The following PTPRD variants were observed in gnomAD, a reference collection of about 807,000 sequenced individuals.
PTPRD encodes protein tyrosine phosphatase receptor type D.
A neutral mutation model predicts 214.5 loss-of-function variants in PTPRD; 34 were observed. The observed-to-expected ratio is 0.16, with a 90% CI of 0.12 to 0.21. PTPRD has a LOEUF of 0.21. PTPRD is among the 10% of genes least tolerant of loss of function. The pLI, the probability that PTPRD is intolerant of heterozygous loss-of-function variation, is 1.00. For synonymous variants in PTPRD, 1,128 were observed against 845.7 expected (o/e 1.33, Z -5.79); for missense variants, 2,545 against 2,398.7 (o/e 1.06, Z -1.27).
At chr9:8,983,891 AG>A (rs1294752436) in intron 11 of PTPRD, among the ~76,000 whole-genome samples, 1 of 152,090 alleles carries the variant, frequency 6.6e-6, no homozygotes, top group Non-Finnish European at 1.5e-5. Flanking sequence ...CATGTGAAAA[AG>A]AGGTTCAAAG....
intron 11 of PTPRD, among the ~76,000 whole-genome samples, chr9:8,884,734 C>A (rs1229721678): frequency 6.6e-6 from 1 of 152,342 alleles, no homozygotes; most frequent in Non-Finnish European, 1.5e-5. Flanking sequence ...AGAAGGGCTA[C>A]ATTTTGATGT....
In PTPRD at chr9:9,150,343, A is replaced by G. The variant is rs555555972; in HGVS notation, c.-143+32961T>C. ...CTTTGTGCTAGCGTAGGGTTGGGGG[A>G]TATAGTGATAAATAGTATAAGCACA... On this transcript the variant is annotated intron_variant, in intron 10 of 45. Coordinates refer to ENST00000381196, the MANE Select transcript of PTPRD (RefSeq NM_002839.4). Among the ~76,000 whole-genome samples the G allele has an allele frequency of 1.6e-3, 249 of 151,196 alleles. 1 individual carries two copies. Among genetic ancestry groups the G allele is most frequent in the African/African-American group, 5.8e-3 (238 of 41,272 alleles).
chr9:9,120,838 C>G (rs1320717018), intron 10 of PTPRD, among the ~76,000 whole-genome samples: 2 of 152,174 alleles, frequency 1.3e-5, no homozygotes, highest in African/African-American at 4.8e-5. Context: ...ACAGCTAAGT[C>G]TAAACGTTTC....
rs558397007 is a variant in PTPRD at position 10,529,380 on chromosome 9, T to C, written c.-600+83018A>G. On this transcript the variant is annotated intron_variant, in intron 2 of 45. Coordinates refer to ENST00000381196, the MANE Select transcript of PTPRD (RefSeq NM_002839.4). ...GTGGCACATATACACCATGGAATAC[T>C]ATTCAGCCATAAAAAAGAATGAGTT... 9.9e-4 allele frequency among the ~76,000 whole-genome samples: 150 copies of C among 152,272 alleles called. 1 individual carries two copies. The highest frequency in any genetic ancestry group is 3.3e-3 in the African/African-American group (137 of 41,568).
In PTPRD at chr9:8,447,182, T is replaced by C. The variant is rs559430274; in HGVS notation, c.3988+2543A>G. Among the ~76,000 whole-genome samples, 24 of 152,330 alleles carry C rather than the reference T, an allele frequency of 1.6e-4. No individual in the cohort carries two copies. In the East Asian group the frequency reaches 4.6e-3, roughly 29 times the overall value. On this transcript the variant is annotated intron_variant, in intron 34 of 45. Transcript: ENST00000381196. Reference sequence around the variant, plus strand: ...GCTAGGACCTTAGGACAATTTCTCCTTTTCTAGTCTCCTCCTCTACTACAG... The same window carrying C: ...GCTAGGACCTTAGGACAATTTCTCCCTTTCTAGTCTCCTCCTCTACTACAG...
rs114237960 is a variant in PTPRD, at chr9:8,711,293, C to T, written c.64+22487G>A. 9.2e-3 allele frequency among the ~76,000 whole-genome samples: 1,405 copies of T among 152,002 alleles called. 34 individuals carry two copies. The highest frequency in any genetic ancestry group is 0.032 in the African/African-American group (1,331 of 41,482). On this transcript the variant is annotated intron_variant, in intron 12 of 45. Coordinates refer to ENST00000381196, the MANE Select transcript of PTPRD (RefSeq NM_002839.4). ...AATTATACTGTATAGCTAACAAGTACGCCTTTTAATCAAATATATAATTAT... is the reference window on the plus strand; with the variant it reads ...AATTATACTGTATAGCTAACAAGTATGCCTTTTAATCAAATATATAATTAT...
chr9:9,052,064 G>C (rs1325109860), intron 10 of PTPRD, among the ~76,000 whole-genome samples: 1 of 152,170 alleles, frequency 6.6e-6, no homozygotes, highest in African/African-American at 2.4e-5. Context: ...CTGGAGGCTG[G>C]GATGTTTAAG....
chr9:9,463,892 A>G (rs2093901251), intron 8 of PTPRD, among the ~76,000 whole-genome samples: 1 of 152,150 alleles, frequency 6.6e-6, no homozygotes. Flanking sequence ...AATAGTATCA[A>G]GGAACTGAAG....
At chr9:8,714,778 A>C (rs1597760270) in intron 12 of PTPRD, among the ~76,000 whole-genome samples, 1 of 151,670 alleles carries the variant, frequency 6.6e-6, no homozygotes, top group African/African-American at 2.4e-5. Context: ...CCCATCATGC[A>C]CCCTCCTGAT....
chr9:10,008,117 A>C (rs1238397355), intron 4 of PTPRD, among the ~76,000 whole-genome samples: 2 of 151,946 alleles, frequency 1.3e-5, no homozygotes, highest in Non-Finnish European at 2.9e-5. Flanking sequence ...ATAAAATCTT[A>C]AGCACCTCAA....
intron 3 of PTPRD, among the ~76,000 whole-genome samples, chr9:10,103,450 A>G (rs578190337): frequency 8.1e-5 from 12 of 148,850 alleles, no homozygotes; most frequent in Non-Finnish European, 1.2e-4. Flanking sequence ...ACCACATTCC[A>G]CTATGGTTTA....
At chr9:9,864,502 G>GTTGTTTGTTTTTACTTTTTGT (rs2063511064) in intron 5 of PTPRD, among the ~76,000 whole-genome samples, 1 of 151,936 alleles carries the variant, frequency 6.6e-6, no homozygotes, top group African/African-American at 2.4e-5. Flanking sequence ...TTCGGATTTT[G>GTTGTTTGTTTTTACTTTTTGT]TTGTTTGTTT....
Position 9,587,766 on chromosome 9 carries a change from T to C in PTPRD, c.-286-12985A>G, listed in dbSNP as rs975720957. Reference sequence around the variant, plus strand: ...AATAATCTAGTCACAGAAAGACAAATACTGCATGTTCTTACTCATATGTGG... The same window carrying C: ...AATAATCTAGTCACAGAAAGACAAACACTGCATGTTCTTACTCATATGTGG... On this transcript the variant is annotated intron_variant, in intron 7 of 45. Transcript: ENST00000381196. Among the ~76,000 whole-genome samples, 4 of 152,036 alleles carry C rather than the reference T, an allele frequency of 2.6e-5. No homozygotes were observed. In the East Asian group the frequency reaches 7.8e-4, roughly 30 times the overall value.
At chr9:9,813,512 G>C (rs1389101979) in intron 5 of PTPRD, among the ~76,000 whole-genome samples, 1 of 152,000 alleles carries the variant, frequency 6.6e-6, no homozygotes, top group Non-Finnish European at 1.5e-5. Context: ...AAATTGGATA[G>C]CCTAGAAGAA....
chr9:9,024,352 G>GTTT (rs397944358), intron 10 of PTPRD, among the ~76,000 whole-genome samples: 18 of 140,048 alleles, frequency 1.3e-4, no homozygotes, highest in African/African-American at 4.6e-4. Flanking sequence ...TTTTTTGTTT[G>GTTT]TTTTTTTTTT....
chr9:9,370,109 C>T (rs1436217500), intron 9 of PTPRD, among the ~76,000 whole-genome samples: 2 of 152,040 alleles, frequency 1.3e-5, no homozygotes. Context: ...TTTTTCGTTC[C>T]ATATGAACTT....
chr9:10,244,256 T>C (rs1204332428), intron 3 of PTPRD, among the ~76,000 whole-genome samples: 2 of 152,126 alleles, frequency 1.3e-5, no homozygotes, highest in African/African-American at 4.8e-5. Context: ...TATCTCTTCA[T>C]TGTGCTCTAA....
At chr9:9,622,458 A>T (rs895817279) in intron 7 of PTPRD, among the ~76,000 whole-genome samples, 2 of 152,170 alleles carry the variant, frequency 1.3e-5, no homozygotes, top group African/African-American at 2.4e-5. Flanking sequence ...TCATTTACGT[A>T]TTGTACAAAT....
At chr9:8,903,097 C>T (rs1348382435) in intron 11 of PTPRD, among the ~76,000 whole-genome samples, 1 of 151,552 alleles carries the variant, frequency 6.6e-6, no homozygotes, top group Non-Finnish European at 1.5e-5. Context: ...TGTTGTGAAA[C>T]TTGCTTAAGG....
Sources: gnomAD v4.1 joint callset for allele counts (sites outside exome capture counted in the v4.1 genomes callset) on GRCh38, gnomAD v4.1.1 for gene constraint, MANE v1.5 for transcripts, NCBI Gene and HGNC (gene_info 2026-07-23, HGNC 2026-07-21) for gene names.